The following LIPF variants were observed in gnomAD, a reference collection of about 807,000 sequenced individuals.
LIPF encodes the protein gastric triacylglycerol lipase.
A neutral mutation model predicts 38.0 loss-of-function variants in LIPF; 25 were observed. The ratio of observed to expected loss-of-function variants is 0.66; its 90% CI spans 0.48 to 0.92. The LOEUF (loss-of-function observed/expected upper bound fraction) is 0.92, where lower values mean the gene tolerates loss of function less well. LIPF is among the 40% of genes least tolerant of loss of function. LIPF has a pLI of 0.00. For synonymous variants in LIPF, 161 were observed against 156.2 expected (o/e 1.03, Z -0.23); for missense variants, 410 against 469.9 (o/e 0.87, Z 1.18).
intron 9 of LIPF, among the ~76,000 whole-genome samples, chr10:88,677,155 T>C (rs1029521787): frequency 6.6e-6 from 1 of 152,224 alleles, no homozygotes; most frequent in Non-Finnish European, 1.5e-5. Context: ...CAATGTCTTA[T>C]GTGTAGAGAA....
At position 88,675,174 on chromosome 10, in the gene LIPF, G is replaced by A. The variant is rs536248265; in HGVS notation, c.817-412G>A. Among the ~76,000 whole-genome samples, 6 of 152,242 alleles carry A rather than the reference G, an allele frequency of 3.9e-5. No individual in the cohort carries two copies. The East Asian group carries it at 1.2e-3, about 29-fold the overall frequency. ...AAGGAACTTCAGTTTGTTGCTTGGG[G>A]TTCTGCAAAGCAAGAGGCCTGTGTG... On this transcript the variant is annotated intron_variant, in intron 7 of 9. Coordinates refer to ENST00000238983, the MANE Select transcript of LIPF (RefSeq NM_004190.4).
chr10:88,672,571 TAATC>T, intron 6 of LIPF, among the ~76,000 whole-genome samples: 1 of 151,354 alleles, frequency 6.6e-6, no homozygotes, highest in East Asian at 2.0e-4. Flanking sequence ...GTTATGGAAT[TAATC>T]GTTTTGTTTG....
chr10:88,667,791 T>C (rs894320688), intron 3 of LIPF, 105 bp downstream of exon 3: 10 of 606,054 alleles, frequency 1.7e-5, no homozygotes, highest in African/African-American at 7.3e-5. Flanking sequence ...CTTCTTTTGT[T>C]CTTCCCTTTT....
At chr10:88,677,623 C>T (rs1841707617) in intron 9 of LIPF, among the ~76,000 whole-genome samples, 1 of 151,980 alleles carries the variant, frequency 6.6e-6, no homozygotes, top group African/African-American at 2.4e-5. Context: ...AAATATTTTG[C>T]TATGGCAAGT....
chr10:88,678,775 T>C lies in LIPF; in HGVS notation c.*94T>C, dbSNP rs1841729135. 1 of 782,274 alleles carries C rather than the reference T, an allele frequency of 1.3e-6. No individual in the cohort carries two copies. The highest frequency in any genetic ancestry group is 1.8e-5 in the South Asian group (1 of 55,180). 48.5% of individuals were successfully genotyped at this position (782,274 alleles called of 1,614,324 possible). A position where few individuals can be genotyped will look rare whatever the true frequency, so the allele number is the denominator to read the frequency against. On this transcript the variant is annotated 3_prime_UTR_variant, in exon 10 of 10. Coordinates refer to ENST00000238983, the MANE Select transcript of LIPF (RefSeq NM_004190.4). ...TAATGTTTGACATGCAGTGCTTCTT[T>C]CTGTAATTTTGACTTTAGAAATATA...
At chr10:88,674,981 T>C (rs961963621) in intron 7 of LIPF, among the ~76,000 whole-genome samples, 18 of 151,970 alleles carry the variant, frequency 1.2e-4, no homozygotes, top group African/African-American at 4.1e-4. Flanking sequence ...AATAGTAAAA[T>C]AAGACAAAGG....
chr10:88,673,640 T>A lies in LIPF; in HGVS notation c.722T>A (p.Leu241His). ...CCACACAACTTCTTTGATCAATTTC[T>A]TGCTACTGAAGTGTGCTCCCGTGAG... Reference protein sequence around the residue: ...FYPHNFFDQFLATEVCSREML... With the variant: ...FYPHNFFDQFHATEVCSREML... The change falls in exon 7 of 10, where the codon CTT becomes CAT. Residue 241 changes from leucine (L) to histidine (H), a missense_variant. Coordinates refer to ENST00000238983, the MANE Select transcript of LIPF (RefSeq NM_004190.4). 6.2e-7 allele frequency: 1 copy of A among 1,611,914 alleles called. No homozygotes were observed. The highest frequency in any genetic ancestry group is 8.5e-7 in the Non-Finnish European group (1 of 1,178,282).
chr10:88,668,445 CTCAA>C (rs1841546425), intron 3 of LIPF, 109 bp from the exon 4 acceptor site: 1 of 894,496 alleles, frequency 1.1e-6, no homozygotes. Context: ...AAATAATCAA[CTCAA>C]TCAGGCAAAT....
intron 9 of LIPF, among the ~76,000 whole-genome samples, chr10:88,677,801 T>A (rs985801869): frequency 6.6e-6 from 1 of 152,212 alleles, no homozygotes; most frequent in Admixed American, 6.5e-5. Context: ...AAAATCTATG[T>A]GTGAATTGTG....
intron 7 of LIPF, 138 bp from the exon 8 acceptor site, chr10:88,675,448 A>T (rs1185808854): frequency 6.2e-6 from 4 of 647,866 alleles, no homozygotes; most frequent in Non-Finnish European, 1.1e-5. Flanking sequence ...TGACATACAA[A>T]TGTGTTGTTC....
intron 8 of LIPF, among the ~76,000 whole-genome samples, chr10:88,675,940 G>A (rs978698815): frequency 3.9e-5 from 6 of 151,914 alleles, no homozygotes; most frequent in African/African-American, 9.7e-5. Context: ...CCACTAACTC[G>A]TCATTTAGCA....
chr10:88,674,354 C>G (rs1841653020), intron 7 of LIPF, among the ~76,000 whole-genome samples: 1 of 151,532 alleles, frequency 6.6e-6, no homozygotes, highest in South Asian at 2.1e-4. Flanking sequence ...ATTTTTAGTA[C>G]AGTCGGGGTT....
At chr10:88,668,231 T>A (rs566928117) in intron 3 of LIPF, among the ~76,000 whole-genome samples, 1 of 152,188 alleles carries the variant, frequency 6.6e-6, no homozygotes, top group Non-Finnish European at 1.5e-5. Context: ...AAAAAAAGAT[T>A]ACTCGTAATT....
At chr10:88,666,605 C>T (rs973625422) in intron 1 of LIPF, among the ~76,000 whole-genome samples, 31 of 151,902 alleles carry the variant, frequency 2.0e-4, no homozygotes, top group African/African-American at 7.3e-4. Flanking sequence ...GTCTATAATC[C>T]CAGTGCTTTG....
rs68081693 is a variant in LIPF at position 88,665,737 on chromosome 10, A to ATTTTTTTTTT, written c.-12+1261_-12+1270dup. 1.1e-3 allele frequency among the ~76,000 whole-genome samples: 112 copies of ATTTTTTTTTT among 100,242 alleles called. 3 individuals are homozygous for ATTTTTTTTTT. Among genetic ancestry groups the ATTTTTTTTTT allele is most frequent in the African/African-American group, 3.9e-3 (105 of 27,130 alleles). 65.8% of individuals were successfully genotyped at this position (100,242 alleles called of 152,430 possible). A position where few individuals can be genotyped will look rare whatever the true frequency, so the allele number is the denominator to read the frequency against. On this transcript the variant is annotated intron_variant, in intron 1 of 9. Coordinates refer to ENST00000238983, the MANE Select transcript of LIPF (RefSeq NM_004190.4). ...AAAAACAAGGCTTAGTTAAAAACTG[A>ATTTTTTTTTT]TTTTTTTTTTTTTTTTTTTTTTTTG...
At chr10:88,670,026 C>CACACTA (rs1554949255) in intron 5 of LIPF, 80 bp downstream of exon 5, 2 of 820,548 alleles carry the variant, frequency 2.4e-6, no homozygotes, top group Non-Finnish European at 4.1e-6. Flanking sequence ...TGTTAGCAAC[C>CACACTA]ACACTAATTG....
chr10:88,672,756 T>C (rs770050085), intron 6 of LIPF, among the ~76,000 whole-genome samples: 5 of 151,860 alleles, frequency 3.3e-5, no homozygotes, highest in Non-Finnish European at 5.9e-5. Flanking sequence ...CCTTCTATGG[T>C]TTTGTACTAT....
At chr10:88,665,616 T>C in intron 1 of LIPF, 1 of 1,355,572 alleles carries the variant, frequency 7.4e-7, no homozygotes, top group Non-Finnish European at 1.0e-6. Flanking sequence ...GTCATGTGGG[T>C]TCCTGAAATG....
chr10:88,670,543 C>T (rs1841579771), intron 5 of LIPF, among the ~76,000 whole-genome samples: 1 of 152,058 alleles, frequency 6.6e-6, no homozygotes, highest in African/African-American at 2.4e-5. Context: ...ATGTGCCTAC[C>T]TAGTAGGCAT....
Sources: allele counts gnomAD v4.1 joint callset (sites outside exome capture counted in the v4.1 genomes callset), GRCh38; gene constraint gnomAD v4.1.1; transcripts MANE v1.5; gene names NCBI Gene and HGNC (gene_info 2026-07-23, HGNC 2026-07-21).